CARNMT1: variants seen among roughly 807,000 people sequenced by gnomAD.
CARNMT1 encodes the protein carnosine N-methyltransferase 1.
Under a neutral mutation model 49.6 loss-of-function variants are expected in CARNMT1, and 28 were observed. The observed-to-expected ratio is 0.56, with a 90% CI of 0.42 to 0.77. The LOEUF (loss-of-function observed/expected upper bound fraction) is 0.77. Among genes scored for constraint, CARNMT1 ranks in the 30% least tolerant of loss-of-function variants. The pLI is 0.00. For missense variants in CARNMT1, 421 were observed against 512.6 expected, an observed-to-expected ratio of 0.82 and a Z score of 1.73; for synonymous variants, 178 against 175.0, an observed-to-expected ratio of 1.02 and a Z score of -0.13.
chr9:75,007,392 T>C (rs1026857704), intron 3 of CARNMT1, among the ~76,000 whole-genome samples: 1 of 152,104 alleles, frequency 6.6e-6, no homozygotes. Context: ...AAAAATATAT[T>C]TGACAAAATT....
chr9:75,017,368 T>A lies in CARNMT1; in HGVS notation c.311A>T (p.Gln104Leu), dbSNP rs1474348200. ...LPANQQKLLP[Q>L]FLLHLDKIRK... ...GATCTTGTCCAAGTGAAGAAGAAACTGAGGAAGTAGTTTCTGTTGGTTAGC... is the reference window on the plus strand; with the variant it reads ...GATCTTGTCCAAGTGAAGAAGAAACAGAGGAAGTAGTTTCTGTTGGTTAGC... Residue 104 changes from glutamine (Q) to leucine (L), a missense_variant, in exon 2 of 8, where the codon CAG (glutamine) becomes CTG (leucine). By Grantham distance (113) the Gln-to-Leu change is moderately radical (BLOSUM62 -2). Transcript: ENST00000376834. 5 of 1,614,014 alleles carry A rather than the reference T, an allele frequency of 3.1e-6. No individual in the cohort carries two copies. The highest frequency in any genetic ancestry group is 4.2e-6 in the Non-Finnish European group (5 of 1,179,994).
At position 74,982,218 on chromosome 9, in the gene CARNMT1, C is replaced by T. The variant is rs976410912; in HGVS notation, c.*1549G>A. The stretch of plus-strand genomic sequence containing the variant: ...GTGACAACAAAGGTCTAAAGATTTA[C>T]AAGTAACTTTTCCTATTAAAACATG... On this transcript the variant is annotated 3_prime_UTR_variant, in exon 8 of 8. Coordinates refer to ENST00000376834, the MANE Select transcript of CARNMT1 (RefSeq NM_152420.3). The T allele has an allele frequency of 6.6e-6, 1 of 152,160 alleles. No individual in the cohort carries two copies. Among genetic ancestry groups the T allele is most frequent in the African/African-American group, 2.4e-5 (1 of 41,452 alleles). The allele number at this position is 152,160 out of a possible 1,614,324, so 9.4% of individuals were successfully genotyped here.
At position 74,981,702 on chromosome 9, in the gene CARNMT1, G is replaced by C. The variant is rs1222301026; in HGVS notation, c.*2065C>G. On this transcript the variant is annotated 3_prime_UTR_variant, in exon 8 of 8. Coordinates refer to ENST00000376834, the MANE Select transcript of CARNMT1 (RefSeq NM_152420.3). The stretch of plus-strand genomic sequence containing the variant: ...AATAGAAAAAAAATTAATTAATAAA[G>C]CCAACCCACCAGTGTCAACCTGTTT... 6.6e-6 allele frequency: 1 copy of C among 151,774 alleles called. No individual in the cohort carries two copies. The highest frequency in any genetic ancestry group is 1.9e-4 in the East Asian group (1 of 5,180). The allele number at this position is 151,774 out of a possible 1,614,324, so 9.4% of individuals were successfully genotyped here.
intron 1 of CARNMT1, among the ~76,000 whole-genome samples, chr9:75,019,843 A>G (rs1833945519): frequency 6.6e-6 from 1 of 152,236 alleles, no homozygotes. Flanking sequence ...GAGATCGTGT[A>G]ACCACAGGCT....
At chr9:75,021,013 T>C (rs1173764714) in intron 1 of CARNMT1, among the ~76,000 whole-genome samples, 1 of 152,036 alleles carries the variant, frequency 6.6e-6, no homozygotes, top group African/African-American at 2.4e-5. Context: ...AAGCTGCCAT[T>C]TGAGATTTAA....
intron 2 of CARNMT1, 85 bp downstream of exon 2, chr9:75,017,168 T>C (rs1470310005): frequency 9.4e-7 from 1 of 1,059,490 alleles, no homozygotes; most frequent in Non-Finnish European, 1.4e-6. Flanking sequence ...TGCCAGATTA[T>C]AAAAATGAAA....
intron 3 of CARNMT1, among the ~76,000 whole-genome samples, chr9:75,002,104 T>C (rs1040287215): frequency 2.2e-4 from 33 of 152,162 alleles, no homozygotes; most frequent in Admixed American, 3.9e-4. Flanking sequence ...TTCAACAGTT[T>C]ATTCAAGACA....
chr9:75,000,325 T>TAGAG (rs1188416107), intron 3 of CARNMT1, among the ~76,000 whole-genome samples: 13 of 152,192 alleles, frequency 8.5e-5, no homozygotes, highest in African/African-American at 3.1e-4. Flanking sequence ...TAAACAGATG[T>TAGAG]AGAGTTTAAT....
At position 75,007,621 on chromosome 9, in the gene CARNMT1, CG is replaced by C. The variant is rs377233949; in HGVS notation, c.591-7752del. ...TTGGGCGCCTGTAATCCCAGCTACT[CG>C]GGAGGCTGAGGCAGGAGAATCACTT... On this transcript the variant is annotated intron_variant, in intron 3 of 7. Coordinates refer to ENST00000376834, the MANE Select transcript of CARNMT1 (RefSeq NM_152420.3). Among the ~76,000 whole-genome samples the C allele has an allele frequency of 6.2e-3, 942 of 151,292 alleles. 7 individuals are homozygous for C. The highest frequency in any genetic ancestry group is 0.022 in the African/African-American group (895 of 41,268).
chr9:75,021,052 TA>T, intron 1 of CARNMT1, among the ~76,000 whole-genome samples: 1 of 152,044 alleles, frequency 6.6e-6, no homozygotes, highest in Non-Finnish European at 1.5e-5. Context: ...CCAAGTCAGT[TA>T]ATACGGATTA....
intron 1 of CARNMT1, 99 bp downstream of exon 1, chr9:75,027,913 G>A: frequency 7.6e-7 from 1 of 1,307,228 alleles, no homozygotes; most frequent in Non-Finnish European, 1.0e-6. Context: ...CGCCTCGGAG[G>A]CGTGGCGGCG....
intron 1 of CARNMT1, among the ~76,000 whole-genome samples, chr9:75,024,049 T>A (rs1822453169): frequency 6.6e-6 from 1 of 152,142 alleles, no homozygotes; most frequent in Non-Finnish European, 1.5e-5. Context: ...AGAAACCTGG[T>A]GTCAGCAGTG....
intron 3 of CARNMT1, among the ~76,000 whole-genome samples, chr9:75,011,018 CA>C (rs938145846): frequency 4.8e-4 from 67 of 140,478 alleles, no homozygotes; most frequent in East Asian, 3.1e-3. Context: ...ATATAATTCT[CA>C]AAAAAAAAAA....
rs938145846 is a variant in CARNMT1, at chr9:75,011,018, C to CA, written c.590+5249dup. Among the ~76,000 whole-genome samples the CA allele has an allele frequency of 9.4e-3, 1,322 of 140,402 alleles. 8 individuals are homozygous for CA. The highest frequency in any genetic ancestry group is 0.013 in the Non-Finnish European group (860 of 64,172). The allele number at this position is 140,402 out of a possible 152,430, so 92.1% of individuals were successfully genotyped here. ...GCAAAAGACATAAATATATAATTCTCAAAAAAAAAAACATGTAACATGACC... is the reference window on the plus strand; with the variant it reads ...GCAAAAGACATAAATATATAATTCTCAAAAAAAAAAAACATGTAACATGACC... On this transcript the variant is annotated intron_variant, in intron 3 of 7. Transcript: ENST00000376834.
intron 3 of CARNMT1, among the ~76,000 whole-genome samples, chr9:75,008,191 A>C (rs889893896): frequency 3.3e-5 from 5 of 151,302 alleles, no homozygotes; most frequent in Non-Finnish European, 7.4e-5. Context: ...AAAAAAAAAA[A>C]AAAAACCCTC....
chr9:74,994,403 T>C (rs779491681), intron 6 of CARNMT1, among the ~76,000 whole-genome samples: 15 of 152,210 alleles, frequency 9.9e-5, no homozygotes, highest in Admixed American at 7.2e-4. Context: ...AGAAAAGATA[T>C]TGGGAGGCAT....
chr9:74,997,982 G>T (rs1833240822), intron 5 of CARNMT1, among the ~76,000 whole-genome samples: 1 of 151,896 alleles, frequency 6.6e-6, no homozygotes, highest in African/African-American at 2.4e-5. Context: ...TCCTTTTAGT[G>T]CCAATCTCCC....
At chr9:75,021,435 TATATA>T (rs1292548562) in intron 1 of CARNMT1, among the ~76,000 whole-genome samples, 6 of 145,522 alleles carry the variant, frequency 4.1e-5, no homozygotes, top group Non-Finnish European at 9.0e-5. Flanking sequence ...ATAAATAGTA[TATATA>T]ATATAAATAG....
chr9:75,013,957 C>A (rs1833771458), intron 3 of CARNMT1, among the ~76,000 whole-genome samples: 2 of 115,434 alleles, frequency 1.7e-5, no homozygotes. Context: ...GATGACAGAG[C>A]AACACTTTGT....
Sources: gnomAD v4.1 joint callset for allele counts (sites outside exome capture counted in the v4.1 genomes callset) on GRCh38, gnomAD v4.1.1 for gene constraint, MANE v1.5 for transcripts, NCBI Gene and HGNC (gene_info 2026-07-23, HGNC 2026-07-21) for gene names.